The following OARD1 variants were observed in gnomAD, a reference collection of about 807,000 sequenced individuals.
OARD1 encodes the protein O-acyl-ADP-ribose deacylase 1, also known as ADP-ribose glycohydrolase OARD1.
A neutral mutation model predicts 19.7 loss-of-function variants in OARD1; 19 were observed. The observed-to-expected ratio is 0.96, with a 90% confidence interval of 0.67 to 1.41. The LOEUF is 1.41. Ranked by LOEUF, OARD1 falls within the 40% of genes most tolerant of loss-of-function variation. OARD1 has a pLI of 0.00. For missense variants in OARD1, 190 were observed against 183.8 expected (o/e 1.03, Z -0.20); for synonymous variants, 70 against 61.8 (o/e 1.13, Z -0.62).
intron 1 of OARD1, among the ~76,000 whole-genome samples, chr6:41,095,376 T>C (rs1328442151): frequency 6.6e-6 from 1 of 152,236 alleles, no homozygotes; most frequent in Admixed American, 6.5e-5. Flanking sequence ...ATCTTTTTCA[T>C]GCATGTCTAT....
chr6:41,091,303 C>T (rs1450572267), intron 1 of OARD1, among the ~76,000 whole-genome samples: 1 of 152,204 alleles, frequency 6.6e-6, no homozygotes, highest in Non-Finnish European at 1.5e-5. Flanking sequence ...GATAGAGTTA[C>T]TCAAAACTGG....
At chr6:41,071,972 A>G (rs1389834708) in intron 1 of OARD1, 2 of 357,070 alleles carry the variant, frequency 5.6e-6, no homozygotes, top group Non-Finnish European at 5.2e-6. Flanking sequence ...GCCACTCCGG[A>G]GCAAGGCCGA....
chr6:41,082,821 C>G (rs1763944996), intron 1 of OARD1, among the ~76,000 whole-genome samples: 1 of 152,120 alleles, frequency 6.6e-6, no homozygotes. Flanking sequence ...ATGAGAGAGT[C>G]AGGCTGTAAA....
chr6:41,075,912 G>A (rs1453202665), upstream of OARD1, among the ~76,000 whole-genome samples: 1 of 152,124 alleles, frequency 6.6e-6, no homozygotes, highest in East Asian at 1.9e-4. Context: ...AAAACCTTCA[G>A]AACAGTGTCT....
chr6:41,076,884 G>T (rs1400088436), upstream of OARD1, among the ~76,000 whole-genome samples: 1 of 152,168 alleles, frequency 6.6e-6, no homozygotes, highest in Non-Finnish European at 1.5e-5. Flanking sequence ...ACCATTAACA[G>T]TATCAATATC....
intron 1 of OARD1, among the ~76,000 whole-genome samples, chr6:41,089,008 C>T (rs776798764): frequency 7.2e-5 from 11 of 151,956 alleles, no homozygotes; most frequent in Admixed American, 1.3e-4. Context: ...TTTTTTGAGA[C>T]GGAATCTCGC....
chr6:41,077,110 G>A (rs971516546), upstream of OARD1, among the ~76,000 whole-genome samples: 5 of 152,194 alleles, frequency 3.3e-5, no homozygotes, highest in African/African-American at 7.2e-5. Context: ...TTGTAAAGAT[G>A]TAAACTTCTG....
intron 1 of OARD1, among the ~76,000 whole-genome samples, chr6:41,096,301 A>C (rs1764354812): frequency 6.6e-6 from 1 of 152,210 alleles, no homozygotes; most frequent in Non-Finnish European, 1.5e-5. Flanking sequence ...GTAGTGTGAG[A>C]GCCCCTCCTT....
chr6:41,076,821 C>G (rs1763744177), upstream of OARD1, among the ~76,000 whole-genome samples: 1 of 152,202 alleles, frequency 6.6e-6, no homozygotes, highest in Non-Finnish European at 1.5e-5. Flanking sequence ...CTAACTGAAG[C>G]TCACAGTAGT....
chr6:41,070,945 A>C, intron 3 of OARD1, 187 bp downstream of exon 3: 1 of 632,484 alleles, frequency 1.6e-6, no homozygotes, highest in Non-Finnish European at 2.8e-6. Flanking sequence ...GAAGAGATTA[A>C]AAACCTTCAC....
intron 1 of OARD1, chr6:41,091,801 T>C: frequency 8.1e-7 from 1 of 1,230,532 alleles, no homozygotes; most frequent in Non-Finnish European, 1.1e-6. Context: ...GATCGATCCT[T>C]AAGGCACTGT....
In OARD1 at chr6:41,065,691, G is replaced by T. The variant is rs2114037076; in HGVS notation, c.*1644C>A. On this transcript the variant is annotated 3_prime_UTR_variant, in exon 6 of 6. Transcript: ENST00000424266. ...AAATACAAAAGTGAAATACTTTTTT[G>T]AAACTGTTGCCTCTTATCAGGCTGA... 1 of 152,054 alleles carries T rather than the reference G, an allele frequency of 6.6e-6. No individual in the cohort carries two copies. The highest frequency in any genetic ancestry group is 1.9e-4 in the East Asian group (1 of 5,174). The allele number at this position is 152,054 out of a possible 1,614,324, so 9.4% of individuals were successfully genotyped here.
intron 1 of OARD1, among the ~76,000 whole-genome samples, chr6:41,081,247 T>C (rs1437369493): frequency 6.6e-6 from 1 of 152,184 alleles, no homozygotes; most frequent in Admixed American, 6.5e-5. Flanking sequence ...CCCAGCACTT[T>C]GGGAGGCCGA....
upstream of OARD1, among the ~76,000 whole-genome samples, chr6:41,074,724 G>A (rs1295973113): frequency 1.3e-5 from 2 of 152,236 alleles, no homozygotes; most frequent in Admixed American, 6.5e-5. Flanking sequence ...TTTGGAAACA[G>A]TTATTATTTT....
chr6:41,094,916 C>A (rs1447744931), intron 1 of OARD1, among the ~76,000 whole-genome samples: 1 of 152,168 alleles, frequency 6.6e-6, no homozygotes, highest in East Asian at 1.9e-4. Context: ...TTTCAAGGAA[C>A]AAGTTTTATT....
Position 41,065,014 on chromosome 6 carries a change from G to A in OARD1, c.*2321C>T, listed in dbSNP as rs1762952909. 1 of 151,698 alleles carries A rather than the reference G, an allele frequency of 6.6e-6. No homozygotes were observed. The highest frequency in any genetic ancestry group is 1.5e-5 in the Non-Finnish European group (1 of 67,996). The allele number at this position is 151,698 out of a possible 1,614,324, so 9.4% of individuals were successfully genotyped here. On this transcript the variant is annotated 3_prime_UTR_variant, in exon 6 of 6. Coordinates refer to ENST00000424266, the MANE Select transcript of OARD1 (RefSeq NM_001329686.2). ...CTCTAACTAGGTTTCCAGGAATAAT[G>A]TGTTCACTCTGATTACCAGGGCATG... is the stretch of plus-strand genomic sequence containing the variant.
In OARD1 at chr6:41,066,537, C is replaced by G. The variant is rs1763015264; in HGVS notation, c.*798G>C. ...AGTACTCTGCCAGGCATTTAACATA[C>G]ATTATTTCACTTGTTTTCATGATTA... On this transcript the variant is annotated 3_prime_UTR_variant, in exon 6 of 6. Coordinates refer to ENST00000424266, the MANE Select transcript of OARD1 (RefSeq NM_001329686.2). 1 of 152,150 alleles carries G rather than the reference C, an allele frequency of 6.6e-6. No individual in the cohort carries two copies. The highest frequency in any genetic ancestry group is 6.5e-5 in the Admixed American group (1 of 15,272). 9.4% of individuals were successfully genotyped at this position (152,150 alleles called of 1,614,324 possible).
At chr6:41,094,420 C>G in intron 1 of OARD1, 1 of 1,614,104 alleles carries the variant, frequency 6.2e-7, no homozygotes, top group Non-Finnish European at 8.5e-7. Context: ...GTCTCGGCAC[C>G]GTCATGCCAT....
rs1763030025 is a variant in OARD1 at position 41,066,842 on chromosome 6, TA to T, written c.*492del. The T allele has an allele frequency of 6.6e-6, 1 of 152,284 alleles. No individual in the cohort carries two copies. The highest frequency in any genetic ancestry group is 2.1e-4 in the South Asian group (1 of 4,830). 9.4% of individuals were successfully genotyped at this position (152,284 alleles called of 1,614,324 possible). ...ATTTTTATCACCACAAATTTCTTGG[TA>T]ACAATGTAGAATTTAATTTTGTAAT... is the stretch of plus-strand genomic sequence containing the variant. On this transcript the variant is annotated 3_prime_UTR_variant, in exon 6 of 6. Coordinates refer to ENST00000424266, the MANE Select transcript of OARD1 (RefSeq NM_001329686.2).
Sources: allele counts gnomAD v4.1 joint callset (sites outside exome capture counted in the v4.1 genomes callset), GRCh38; gene constraint gnomAD v4.1.1; transcripts MANE v1.5; gene names NCBI Gene and HGNC (gene_info 2026-07-23, HGNC 2026-07-21).